PTPRD: variants seen among roughly 807,000 people sequenced by gnomAD.
The protein encoded by PTPRD is protein tyrosine phosphatase receptor type D.
A neutral mutation model predicts 214.5 loss-of-function variants in PTPRD; 34 were observed. The observed-to-expected ratio is 0.16, with a 90% CI of 0.12 to 0.21. The LOEUF (loss-of-function observed/expected upper bound fraction) is 0.21, where lower values mean the gene tolerates loss of function less well. Among genes scored for constraint, PTPRD ranks in the 10% least tolerant of loss-of-function variants. The probability of loss-of-function intolerance (pLI) is 1.00; values close to 1 mark genes in which losing one functional copy is unlikely to be tolerated. For missense variants in PTPRD, 2,545 were observed against 2,398.7 expected (o/e 1.06, Z -1.27); for synonymous variants, 1,128 against 845.7 (o/e 1.33, Z -5.79).
In PTPRD at chr9:8,315,845, G is replaced by C. The variant is rs923014762; in HGVS notation, c.*2029C>G. 4.5e-6 allele frequency: 1 copy of C among 224,698 alleles called. No individual in the cohort carries two copies. The highest frequency in any genetic ancestry group is 8.9e-6 in the Non-Finnish European group (1 of 112,620). 13.9% of individuals were successfully genotyped at this position (224,698 alleles called of 1,614,324 possible). A position where few individuals can be genotyped will look rare whatever the true frequency, so the allele number is the denominator to read the frequency against. ...TCTTTAAGAGTTCCTTGGGTATTTTGAGGATTATTTAAAATCATGTAATAT... is the reference window on the plus strand; with the variant it reads ...TCTTTAAGAGTTCCTTGGGTATTTTCAGGATTATTTAAAATCATGTAATAT... On this transcript the variant is annotated 3_prime_UTR_variant, in exon 46 of 46. Coordinates refer to ENST00000381196, the MANE Select transcript of PTPRD (RefSeq NM_002839.4).
intron 10 of PTPRD, among the ~76,000 whole-genome samples, chr9:9,089,940 T>C (rs2099773170): frequency 6.6e-6 from 1 of 152,226 alleles, no homozygotes. Context: ...TTATTTTTTA[T>C]TGATACATAA....
chr9:8,524,530 G>C (rs1442229303), intron 18 of PTPRD, among the ~76,000 whole-genome samples: 6 of 152,044 alleles, frequency 3.9e-5, no homozygotes, highest in African/African-American at 1.4e-4. Flanking sequence ...GAATTGCACA[G>C]AGAACTGATT....
intron 14 of PTPRD, among the ~76,000 whole-genome samples, chr9:8,536,791 G>T (rs536647663): frequency 1.3e-5 from 2 of 151,938 alleles, no homozygotes; most frequent in Non-Finnish European, 2.9e-5. Flanking sequence ...GGGCCACAAG[G>T]TCCCTCTTCG....
At chr9:8,420,980 C>T (rs993148434) in intron 35 of PTPRD, among the ~76,000 whole-genome samples, 1 of 151,800 alleles carries the variant, frequency 6.6e-6, no homozygotes, top group Admixed American at 6.6e-5. Flanking sequence ...AATATGTTGC[C>T]CAAGGGAGGT....
intron 9 of PTPRD, among the ~76,000 whole-genome samples, chr9:9,392,810 G>A (rs1456428002): frequency 6.6e-6 from 1 of 152,138 alleles, no homozygotes; most frequent in East Asian, 1.9e-4. Context: ...TTTTCTTCCA[G>A]TCTTCACTTT....
chr9:9,921,719 G>T, intron 5 of PTPRD, among the ~76,000 whole-genome samples: 1 of 143,942 alleles, frequency 6.9e-6, no homozygotes. Flanking sequence ...CAAATTATGG[G>T]AAAATAATTT....
At position 9,265,096 on chromosome 9, in the gene PTPRD, G is replaced by C. The variant is rs569631309; in HGVS notation, c.-202-81733C>G. Among the ~76,000 whole-genome samples the C allele has an allele frequency of 2.6e-4, 40 of 151,712 alleles. 1 individual carries two copies. In the South Asian group the frequency reaches 8.3e-3, roughly 31 times the overall value. ...ATTAGTAATATGAAAACATATGCAA[G>C]TTAACTCACTAAAGTAAGTATATAG... On this transcript the variant is annotated intron_variant, in intron 9 of 45. Transcript: ENST00000381196.
chr9:9,161,639 G>T (rs2099889134), intron 10 of PTPRD, among the ~76,000 whole-genome samples: 1 of 152,120 alleles, frequency 6.6e-6, no homozygotes, highest in Admixed American at 6.6e-5. Flanking sequence ...GGAGCCTCCT[G>T]AATGAGAATA....
chr9:8,367,200 TTAAAA>T (rs2134170169), intron 39 of PTPRD, among the ~76,000 whole-genome samples: 1 of 152,154 alleles, frequency 6.6e-6, no homozygotes, highest in African/African-American at 2.4e-5. Flanking sequence ...CTCCAAATAT[TTAAAA>T]TAAGAGTTGC....
chr9:8,734,467 A>G (rs1249121402), intron 11 of PTPRD, among the ~76,000 whole-genome samples: 4 of 152,234 alleles, frequency 2.6e-5, no homozygotes, highest in Non-Finnish European at 5.9e-5. Flanking sequence ...AGAATTTTTT[A>G]CACTAGCATA....
At chr9:9,607,956 G>C (rs1052342356) in intron 7 of PTPRD, among the ~76,000 whole-genome samples, 3 of 152,100 alleles carry the variant, frequency 2.0e-5, no homozygotes, top group Admixed American at 6.6e-5. Context: ...AGGGCAGCTT[G>C]GCAGTGAGGA....
chr9:10,476,031 G>A (rs1333686670), intron 2 of PTPRD, among the ~76,000 whole-genome samples: 2 of 152,080 alleles, frequency 1.3e-5, no homozygotes, highest in Admixed American at 6.6e-5. Flanking sequence ...ATATCATACT[G>A]AATGGGGAAA....
intron 19 of PTPRD, among the ~76,000 whole-genome samples, chr9:8,522,800 G>A (rs1297950197): frequency 2.6e-5 from 4 of 151,882 alleles, no homozygotes; most frequent in Admixed American, 6.6e-5. Context: ...AGATCTAGAG[G>A]GTAATCTTTA....
intron 3 of PTPRD, among the ~76,000 whole-genome samples, chr9:10,196,988 C>T (rs1467961497): frequency 6.6e-6 from 1 of 152,124 alleles, no homozygotes; most frequent in Admixed American, 6.6e-5. Context: ...ACCATGCTGG[C>T]ACGCTGATCT....
intron 9 of PTPRD, among the ~76,000 whole-genome samples, chr9:9,310,446 C>T (rs1157356970): frequency 6.6e-6 from 1 of 152,054 alleles, no homozygotes; most frequent in Non-Finnish European, 1.5e-5. Flanking sequence ...GTACTATCTA[C>T]AAGTGAAAGG....
At chr9:8,367,713 C>T (rs1337948649) in intron 39 of PTPRD, among the ~76,000 whole-genome samples, 1 of 152,202 alleles carries the variant, frequency 6.6e-6, no homozygotes, top group African/African-American at 2.4e-5. Flanking sequence ...CTCAAACTCA[C>T]AGTCCAGAAA....
At position 8,382,070 on chromosome 9, in the gene PTPRD, G is replaced by A. The variant is rs141267466; in HGVS notation, c.4387-5344C>T. 1.9e-3 allele frequency among the ~76,000 whole-genome samples: 288 copies of A among 152,286 alleles called. 1 individual carries two copies. Among genetic ancestry groups the A allele is most frequent in the African/African-American group, 6.4e-3 (267 of 41,562 alleles). Reference sequence around the variant, plus strand: ...CTCTGCTTCTGCCTTGGTCTGCCCAGCAGTTGCCTTTGACTCCAGTGTCAC... The same window carrying A: ...CTCTGCTTCTGCCTTGGTCTGCCCAACAGTTGCCTTTGACTCCAGTGTCAC... On this transcript the variant is annotated intron_variant, in intron 37 of 45. Transcript: ENST00000381196.
chr9:10,112,431 A>ATTTTTTT (rs61488370), intron 3 of PTPRD, among the ~76,000 whole-genome samples: 1 of 149,650 alleles, frequency 6.7e-6, no homozygotes, highest in Non-Finnish European at 1.5e-5. Flanking sequence ...ACAATTATCT[A>ATTTTTTT]TTTTTTTTTT....
chr9:8,522,783 G>C (rs987415968), intron 19 of PTPRD, among the ~76,000 whole-genome samples: 1 of 152,118 alleles, frequency 6.6e-6, no homozygotes, highest in Non-Finnish European at 1.5e-5. Context: ...CATACCATAA[G>C]AATTTGAGAT....
Sources: gnomAD v4.1 joint callset for allele counts (sites outside exome capture counted in the v4.1 genomes callset) on GRCh38, gnomAD v4.1.1 for gene constraint, MANE v1.5 for transcripts, NCBI Gene and HGNC (gene_info 2026-07-23, HGNC 2026-07-21) for gene names.